CRYBG3: variants seen among roughly 807,000 people sequenced by gnomAD.
The protein encoded by CRYBG3 is crystallin beta-gamma domain containing 3.
In CRYBG3, 127 loss-of-function variants were observed where a neutral mutation model predicts 244.2. The observed-to-expected ratio is 0.52, with a 90% CI of 0.45 to 0.60. The LOEUF (loss-of-function observed/expected upper bound fraction) is 0.60. Among genes scored for constraint, CRYBG3 ranks in the 20% least tolerant of loss-of-function variants. CRYBG3 has a pLI of 0.00. For synonymous variants in CRYBG3, 1,132 were observed against 1,195.8 expected (o/e 0.95, Z 1.10); for missense variants, 3,325 against 3,442.5 (o/e 0.97, Z 0.85).
At chr3:97,891,988 C>A (rs1241873230) in intron 10 of CRYBG3, among the ~76,000 whole-genome samples, 2 of 152,168 alleles carry the variant, frequency 1.3e-5, no homozygotes, top group African/African-American at 4.8e-5. Flanking sequence ...CGACCCTTGC[C>A]ATTAACTGGC....
intron 3 of CRYBG3, among the ~76,000 whole-genome samples, chr3:97,866,232 A>G (rs1417406925): frequency 6.6e-6 from 1 of 152,188 alleles, no homozygotes; most frequent in African/African-American, 2.4e-5. Context: ...AATGGAGTAC[A>G]AATTGGTAGC....
At chr3:97,916,748 G>A (rs1051259200) in intron 17 of CRYBG3, among the ~76,000 whole-genome samples, 4 of 152,038 alleles carry the variant, frequency 2.6e-5, no homozygotes, top group African/African-American at 9.7e-5. Flanking sequence ...AGTATTCTTG[G>A]TATCAGACTA....
Position 97,822,085 on chromosome 3 carries a change from G to A in CRYBG3, c.-122G>A. ...GCCCGAGAGAGACTGAGCCGCGCTG[G>A]CAGCTCGCGTCGAGTCGGTCTGCCC... On this transcript the variant is annotated 5_prime_UTR_variant, in exon 1 of 22. Coordinates refer to ENST00000389622, the MANE Select transcript of CRYBG3 (RefSeq NM_153605.4). 2 of 782,984 alleles carry A rather than the reference G, an allele frequency of 2.6e-6. No homozygotes were observed. The highest frequency in any genetic ancestry group is 3.5e-6 in the Non-Finnish European group (2 of 563,784). 48.5% of individuals were successfully genotyped at this position (782,984 alleles called of 1,614,324 possible).
At chr3:97,902,195 G>A (rs2039713927) in intron 15 of CRYBG3, among the ~76,000 whole-genome samples, 2 of 152,120 alleles carry the variant, frequency 1.3e-5, no homozygotes, top group Admixed American at 6.6e-5. Flanking sequence ...GGAATAAGGA[G>A]GAAGTTTCAT....
rs542338952 is a variant in CRYBG3 at position 97,943,900 on chromosome 3, C to G, written c.*586C>G. 2 of 152,046 alleles carry G rather than the reference C, an allele frequency of 1.3e-5. No homozygotes were observed. The highest frequency in any genetic ancestry group is 4.2e-4 in the South Asian group (2 of 4,816). The allele number at this position is 152,046 out of a possible 1,614,324, so 9.4% of individuals were successfully genotyped here. On this transcript the variant is annotated 3_prime_UTR_variant, in exon 22 of 22. Transcript: ENST00000389622. Reference sequence around the variant, plus strand: ...TGTAACTAACCCCAGGCAGGGACCTCAGCTTTGTTAGGAATAAGGCACAAG... The same window carrying G: ...TGTAACTAACCCCAGGCAGGGACCTGAGCTTTGTTAGGAATAAGGCACAAG...
At chr3:97,847,094 G>A (rs1009647293) in intron 2 of CRYBG3, among the ~76,000 whole-genome samples, 4 of 152,054 alleles carry the variant, frequency 2.6e-5, no homozygotes, top group Non-Finnish European at 4.4e-5. Flanking sequence ...CAGATCTCAC[G>A]AGAACTCACT....
rs567351097 is a variant in CRYBG3 at position 97,833,959 on chromosome 3, A to C, written c.150-9236A>C. On this transcript the variant is annotated intron_variant, in intron 1 of 21. Transcript: ENST00000389622. Reference sequence around the variant, plus strand: ...TTGGGAAGAAAGGAAACAAGGGGTCAGGATGTGCCAGGTTCTTTTTAACAG... The same window carrying C: ...TTGGGAAGAAAGGAAACAAGGGGTCCGGATGTGCCAGGTTCTTTTTAACAG... Among the ~76,000 whole-genome samples, 19 of 152,250 alleles carry C rather than the reference A, an allele frequency of 1.2e-4. No homozygotes were observed. The East Asian group carries it at 3.7e-3, about 29-fold the overall frequency.
chr3:97,857,414 T>A (rs1360539427), intron 2 of CRYBG3, among the ~76,000 whole-genome samples: 1 of 151,540 alleles, frequency 6.6e-6, no homozygotes, highest in Non-Finnish European at 1.5e-5. Context: ...GCGATTTCCT[T>A]AAGTTTTTTT....
intron 19 of CRYBG3, among the ~76,000 whole-genome samples, chr3:97,937,798 G>C (rs1226422525): frequency 6.6e-6 from 1 of 151,910 alleles, no homozygotes; most frequent in East Asian, 1.9e-4. Flanking sequence ...ATGAAGGAAT[G>C]AATATATCAG....
Position 97,943,251 on chromosome 3 carries a change from T to C in CRYBG3, c.8850T>C (p.His2950=), listed in dbSNP as rs1457759808. 5.0e-6 allele frequency: 8 copies of C among 1,587,750 alleles called. No homozygotes were observed. Among genetic ancestry groups the C allele is most frequent in the Non-Finnish European group, 6.9e-6 (8 of 1,159,102 alleles). The change falls in exon 22 of 22, where the codon CAT becomes CAC. Residue 2950 remains histidine (H), a synonymous_variant. Transcript: ENST00000389622. The stretch of plus-strand genomic sequence containing the variant: ...GAGGAAATTATTGTGACAAGACTCA[T>C]GTAATTGTAAATCAGCCCCTGGAGG... ...VKGGNYCDKT[H]VIVNQPLEGE...
intron 17 of CRYBG3, among the ~76,000 whole-genome samples, chr3:97,920,539 C>G (rs544790656): frequency 6.6e-6 from 1 of 151,708 alleles, no homozygotes; most frequent in Non-Finnish European, 1.5e-5. Context: ...CCCCTCCCCC[C>G]ACTTTTTTTA....
chr3:97,872,766 T>A lies in CRYBG3; in HGVS notation c.1572T>A (p.Val524=). ...SAQDSQKNVA[V]REIRRETESA... is the part of the protein sequence containing the mutation. ...AAGACTCACAGAAAAATGTGGCTGTTAGAGAAATCAGGCGAGAAACAGAAA... is the reference window on the plus strand; with the variant it reads ...AAGACTCACAGAAAAATGTGGCTGTAAGAGAAATCAGGCGAGAAACAGAAA... Residue 524 remains valine (V), a synonymous_variant, in exon 4 of 22, where the codon GTT becomes GTA. Coordinates refer to ENST00000389622, the MANE Select transcript of CRYBG3 (RefSeq NM_153605.4). 6.5e-7 allele frequency: 1 copy of A among 1,535,872 alleles called. No homozygotes were observed. The highest frequency in any genetic ancestry group is 2.4e-5 in the East Asian group (1 of 40,918).
chr3:97,922,709 G>A (rs1222530182), intron 17 of CRYBG3, among the ~76,000 whole-genome samples: 1 of 152,130 alleles, frequency 6.6e-6, no homozygotes, highest in African/African-American at 2.4e-5. Flanking sequence ...AGAGGATGTG[G>A]AGAAATAGGA....
intron 15 of CRYBG3, among the ~76,000 whole-genome samples, chr3:97,907,427 T>C (rs1369964773): frequency 6.6e-6 from 1 of 151,766 alleles, no homozygotes; most frequent in Non-Finnish European, 1.5e-5. Context: ...TTTCAGATCC[T>C]GTTATTGGTC....
intron 17 of CRYBG3, among the ~76,000 whole-genome samples, chr3:97,917,571 A>G (rs543159846): frequency 6.6e-6 from 1 of 152,234 alleles, no homozygotes; most frequent in Non-Finnish European, 1.5e-5. Context: ...CCATGAAGAC[A>G]CCTCAACAGG....
intron 1 of CRYBG3, among the ~76,000 whole-genome samples, chr3:97,839,999 G>A (rs2038789842): frequency 6.6e-6 from 1 of 152,036 alleles, no homozygotes; most frequent in Admixed American, 6.6e-5. Flanking sequence ...ATTCTCGTTG[G>A]GAAGATGAAA....
At chr3:97,928,236 T>A (rs1447894033) in intron 17 of CRYBG3, among the ~76,000 whole-genome samples, 1 of 151,894 alleles carries the variant, frequency 6.6e-6, no homozygotes, top group Non-Finnish European at 1.5e-5. Context: ...AAGCAGAATA[T>A]CGAATATGTT....
intron 5 of CRYBG3, 40 bp downstream of exon 5, chr3:97,879,788 T>C: frequency 7.0e-7 from 1 of 1,438,276 alleles, no homozygotes; most frequent in Non-Finnish European, 9.7e-7. Flanking sequence ...AGGTTAAACA[T>C]TAGGTAACTT....
In CRYBG3 at chr3:97,875,832, A is replaced by G. The variant is rs773769000; in HGVS notation, c.4638A>G (p.Thr1546=). The part of the protein sequence containing the change: ...KIELIPSMLE[T]GKTNKKDAEL... ...AACTTATACCTTCCATGTTAGAAAC[A>G]GGGAAAACAAACAAAAAGGATGCTG... Residue 1546 remains threonine (T), a synonymous_variant, in exon 4 of 22, where the codon ACA becomes ACG. Transcript: ENST00000389622. 367 of 1,232,070 alleles carry G rather than the reference A, an allele frequency of 3.0e-4. No homozygotes were observed. Among genetic ancestry groups the G allele is most frequent in the Non-Finnish European group, 3.7e-4 (362 of 987,906 alleles). 76.3% of individuals were successfully genotyped at this position (1,232,070 alleles called of 1,614,324 possible).
Sources: gnomAD v4.1 joint callset for allele counts (sites outside exome capture counted in the v4.1 genomes callset) on GRCh38, gnomAD v4.1.1 for gene constraint, MANE v1.5 for transcripts, NCBI Gene and HGNC (gene_info 2026-07-23, HGNC 2026-07-21) for gene names.